Variants in VPS13C observed in about 807,000 individuals in gnomAD.
VPS13C encodes the protein intermembrane lipid transfer protein VPS13C.
VPS13C carries 358 observed loss-of-function variants against 456.8 expected under a neutral mutation model. That is an observed-to-expected ratio of 0.78 (90% confidence interval 0.72 to 0.86). The LOEUF is 0.86. Ranked by LOEUF, VPS13C falls within the 40% of genes least tolerant of loss-of-function variation. The pLI, the probability that VPS13C is intolerant of heterozygous loss-of-function variation, is 0.00. For synonymous variants in VPS13C, 1,578 were observed against 1,486.7 expected (o/e 1.06, Z -1.41); for missense variants, 4,818 against 4,385.4 (o/e 1.10, Z -2.79).
chr15:62,012,334 A>G (rs923660322), intron 11 of VPS13C, among the ~76,000 whole-genome samples, 170 bp from the exon 12 acceptor site: 8 of 151,932 alleles, frequency 5.3e-5, no homozygotes, highest in East Asian at 1.9e-4. Flanking sequence ...AGCATTATTT[A>G]TAAGTATAAA....
In VPS13C at chr15:61,962,393, T is replaced by A. The variant is rs1301551141; in HGVS notation, c.3581A>T (p.His1194Leu). 1.3e-6 allele frequency: 2 copies of A among 1,589,520 alleles called. No individual in the cohort carries two copies. The highest frequency in any genetic ancestry group is 4.5e-5 in the East Asian group (2 of 44,380). ...NVGCIQIVYL[H>L]KFLMSLLNFL... ...TACCAGAAGTGACATAAGGAATTTA[T>A]GAAGATAGACAATCTGAATACAGCC... Residue 1194 changes from histidine (H) to leucine (L), a missense_variant, in exon 34 of 85, where the codon CAT becomes CTT. By Grantham distance (99) the His-to-Leu change is moderately conservative (BLOSUM62 -3). Coordinates refer to ENST00000644861, the MANE Select transcript of VPS13C (RefSeq NM_020821.3).
At position 61,936,776 on chromosome 15, in the gene VPS13C, C is replaced by T. The variant is rs573954097; in HGVS notation, c.5602-26G>A. The T allele has an allele frequency of 1.9e-6, 3 of 1,571,708 alleles. No individual in the cohort carries two copies. In the South Asian group the frequency reaches 3.6e-5, roughly 19 times the overall value. The stretch of plus-strand genomic sequence containing the variant: ...CTAGAAACCACCAATAATTTGTTAA[C>T]TCTAAGTAATAAAAAAAATGTAGAC... On this transcript the variant is annotated intron_variant, in intron 47 of 84. Transcript: ENST00000644861.
At chr15:62,008,140 G>C (rs2046914882) in intron 14 of VPS13C, among the ~76,000 whole-genome samples, 1 of 152,088 alleles carries the variant, frequency 6.6e-6, no homozygotes, top group Non-Finnish European at 1.5e-5. Flanking sequence ...GCTGAGGCAG[G>C]GAGTTGCTTG....
chr15:61,947,412 G>A (rs2044643741), intron 42 of VPS13C, 103 bp from the exon 43 acceptor site: 6 of 762,684 alleles, frequency 7.9e-6, no homozygotes, highest in Admixed American at 5.8e-5. Flanking sequence ...TGTACTCTGA[G>A]GAACCAAAAT....
chr15:61,937,286 A>G (rs1285069972), intron 47 of VPS13C, among the ~76,000 whole-genome samples: 3 of 152,212 alleles, frequency 2.0e-5, no homozygotes, highest in Non-Finnish European at 2.9e-5. Context: ...ACAATAACAA[A>G]TGTATCTACA....
intron 1 of VPS13C, among the ~76,000 whole-genome samples, chr15:62,059,469 G>C (rs1364681665): frequency 6.6e-6 from 1 of 152,150 alleles, no homozygotes; most frequent in Non-Finnish European, 1.5e-5. Context: ...GATTAAGCTC[G>C]TTGAAGAGTG....
At chr15:61,890,036 T>TA in intron 67 of VPS13C, 129 bp downstream of exon 67, 5 of 794,460 alleles carry the variant, frequency 6.3e-6, no homozygotes, top group Non-Finnish European at 5.9e-6. Flanking sequence ...AATTATTCAG[T>TA]AAGCTTTACT....
chr15:61,877,175 A>C (rs558362512), intron 74 of VPS13C, 121 bp from the exon 75 acceptor site: 1 of 608,570 alleles, frequency 1.6e-6, no homozygotes, highest in Non-Finnish European at 2.8e-6. Context: ...GACTTCGTAC[A>C]TTTACCACAT....
At chr15:62,022,991 G>A (rs545718543) in intron 8 of VPS13C, among the ~76,000 whole-genome samples, 1 of 151,996 alleles carries the variant, frequency 6.6e-6, no homozygotes, top group African/African-American at 2.4e-5. Flanking sequence ...GGTATGTAAA[G>A]AGAATGAGAC....
At chr15:62,049,459 T>A (rs1417808528) in intron 1 of VPS13C, among the ~76,000 whole-genome samples, 1 of 152,204 alleles carries the variant, frequency 6.6e-6, no homozygotes. Flanking sequence ...TTCCATTATC[T>A]ATATCTCTGT....
chr15:61,891,117 T>G (rs906661668), intron 66 of VPS13C, among the ~76,000 whole-genome samples: 2 of 152,318 alleles, frequency 1.3e-5, no homozygotes, highest in African/African-American at 4.8e-5. Flanking sequence ...TCATGATCTA[T>G]AACATAGGAA....
At chr15:61,929,467 A>C in intron 51 of VPS13C, 34 bp downstream of exon 51, 1 of 1,573,272 alleles carries the variant, frequency 6.4e-7, no homozygotes, top group Non-Finnish European at 8.6e-7. Context: ...CAAAATATAC[A>C]AGTTGTCATC....
At chr15:62,020,220 TTAAG>T (rs1231332666) in intron 9 of VPS13C, among the ~76,000 whole-genome samples, 2 of 151,868 alleles carry the variant, frequency 1.3e-5, no homozygotes, top group African/African-American at 2.4e-5. Flanking sequence ...CCCCACATGT[TTAAG>T]ATACAGCTTT....
intron 46 of VPS13C, among the ~76,000 whole-genome samples, chr15:61,941,422 C>T (rs1468272095): frequency 6.6e-6 from 1 of 151,930 alleles, no homozygotes; most frequent in Non-Finnish European, 1.5e-5. Flanking sequence ...TTATATATTA[C>T]GAAGTTTTTT....
At chr15:62,003,889 A>C (rs1369936718) in intron 15 of VPS13C, among the ~76,000 whole-genome samples, 1 of 151,754 alleles carries the variant, frequency 6.6e-6, no homozygotes, top group Admixed American at 6.6e-5. Context: ...CATGGTGGAT[A>C]AGCTTTTTGA....
chr15:61,967,224 A>G, intron 29 of VPS13C, 144 bp downstream of exon 29: 1 of 678,252 alleles, frequency 1.5e-6, no homozygotes, highest in Non-Finnish European at 2.5e-6. Flanking sequence ...AAGAAGGTGT[A>G]CAAATGAAAA....
At chr15:61,880,203 G>GA (rs1190115928) in intron 73 of VPS13C, among the ~76,000 whole-genome samples, 2 of 152,016 alleles carry the variant, frequency 1.3e-5, no homozygotes, top group East Asian at 3.9e-4. Context: ...TGGAAGGGGG[G>GA]AAAAACACCA....
In VPS13C at chr15:61,929,718, G is replaced by C; in HGVS notation, c.6069C>G (p.Asn2023Lys). 5.0e-6 allele frequency: 8 copies of C among 1,612,400 alleles called. No individual in the cohort carries two copies. Among genetic ancestry groups the C allele is most frequent in the Non-Finnish European group, 6.8e-6 (8 of 1,179,056 alleles). The change falls in exon 51 of 85, where the codon AAC becomes AAG. Residue 2023 changes from asparagine (N) to lysine (K), a missense_variant. Transcript: ENST00000644861. ...AACTTATATCAATCATAGAACTGTT[G>C]TTATCTTGGTCATTCTTTCTGTCAA... Reference protein sequence around the residue: ...RMIDRKNDQDNNSSMIDISYK... With the variant: ...RMIDRKNDQDKNSSMIDISYK...
rs935998106 is a variant in VPS13C, at chr15:61,994,684, G to A, written c.1354-2882C>T. Among the ~76,000 whole-genome samples the A allele has an allele frequency of 1.2e-4, 18 of 151,928 alleles. No homozygotes were observed. In the South Asian group the frequency reaches 1.2e-3, roughly 11 times the overall value. On this transcript the variant is annotated intron_variant, in intron 16 of 84. Transcript: ENST00000644861. ...GGCTCACTGCAACCTCCACCTCCCG[G>A]GTTCAAGCGATTCTCCTGCCTCAGT... is the stretch of plus-strand genomic sequence containing the variant.
Sources: gnomAD v4.1 joint callset for allele counts (sites outside exome capture counted in the v4.1 genomes callset) on GRCh38, gnomAD v4.1.1 for gene constraint, MANE v1.5 for transcripts, NCBI Gene and HGNC (gene_info 2026-07-23, HGNC 2026-07-21) for gene names.